Variants in VSTM5 observed in about 807,000 individuals in gnomAD.
VSTM5 encodes the protein V-set and transmembrane domain containing 5.
In VSTM5, 21 loss-of-function variants were observed where a neutral mutation model predicts 20.3. That is an observed-to-expected ratio of 1.03 (90% confidence interval 0.73 to 1.49). The LOEUF is 1.49. VSTM5 is among the 40% of genes most tolerant of loss of function. VSTM5 has a pLI of 0.00. For missense variants in VSTM5, 219 were observed against 250.0 expected, an observed-to-expected ratio of 0.88 and a Z score of 0.84; for synonymous variants, 100 against 102.5, an observed-to-expected ratio of 0.98 and a Z score of 0.14.
chr11:93,848,028 C>G (rs900299227), intron 1 of VSTM5, among the ~76,000 whole-genome samples: 1 of 152,172 alleles, frequency 6.6e-6, no homozygotes, highest in Non-Finnish European at 1.5e-5. Context: ...TCATCTAAAC[C>G]AAATCACCTC....
intron 1 of VSTM5, among the ~76,000 whole-genome samples, chr11:93,836,925 G>A (rs979449458): frequency 6.6e-6 from 1 of 151,530 alleles, no homozygotes; most frequent in African/African-American, 2.4e-5. Context: ...GCTGAGCACA[G>A]GATCAGAACT....
chr11:93,828,583 T>A (rs568795807), intron 1 of VSTM5, among the ~76,000 whole-genome samples: 44 of 152,342 alleles, frequency 2.9e-4, no homozygotes, highest in African/African-American at 1.0e-3. Flanking sequence ...TATAAACTAA[T>A]GATAGGACAG....
At chr11:93,833,794 A>G (rs1305197431) in intron 1 of VSTM5, among the ~76,000 whole-genome samples, 2 of 152,060 alleles carry the variant, frequency 1.3e-5, no homozygotes, top group East Asian at 3.9e-4. Flanking sequence ...AAGTTACAGC[A>G]TCATCCTGTG....
At chr11:93,847,693 C>A (rs1944425267) in intron 1 of VSTM5, among the ~76,000 whole-genome samples, 1 of 152,216 alleles carries the variant, frequency 6.6e-6, no homozygotes, top group Non-Finnish European at 1.5e-5. Context: ...TGGGAAAGGA[C>A]ATGAACAAAT....
At chr11:93,821,777 G>C (rs1240355139) in intron 1 of VSTM5, 1 of 162,166 alleles carries the variant, frequency 6.2e-6, no homozygotes, top group East Asian at 1.8e-4. Flanking sequence ...GAAAACAGAG[G>C]TCAAATTCCA....
chr11:93,849,409 G>C (rs1423280563), intron 1 of VSTM5, among the ~76,000 whole-genome samples: 3 of 152,102 alleles, frequency 2.0e-5, no homozygotes, highest in Non-Finnish European at 2.9e-5. Context: ...CGCTGGCCTC[G>C]GCCTCCCAAA....
intron 1 of VSTM5, among the ~76,000 whole-genome samples, chr11:93,848,722 G>A (rs732358): frequency 0.55 from 83,144 of 152,046 alleles, 24,012 homozygotes; most frequent in East Asian, 0.72. Flanking sequence ...TCCTGAGAAC[G>A]AAACAGTGAA....
chr11:93,821,796 C>G (rs1224042754), intron 1 of VSTM5: 1 of 161,078 alleles, frequency 6.2e-6, no homozygotes, highest in Admixed American at 5.8e-5. Context: ...CAGGCCAGAC[C>G]TTGGAGGGTG....
chr11:93,850,339 AC>A lies in VSTM5; in HGVS notation c.91+72del, dbSNP rs1221772391. ...CGAGGGCCAGGGGGGCCGCTGCTAG[AC>A]CCCGGGGCCCCGCCCGTGCCCCCCT... On this transcript the variant is annotated intron_variant, in intron 1 of 3. Transcript: ENST00000409977. 3.7e-5 allele frequency: 50 copies of A among 1,350,156 alleles called. 1 individual carries two copies. In the African/African-American group the frequency reaches 6.3e-4, roughly 17 times the overall value. 83.6% of individuals were successfully genotyped at this position (1,350,156 alleles called of 1,614,324 possible). A position where few individuals can be genotyped will look rare whatever the true frequency, so the allele number is the denominator to read the frequency against.
At chr11:93,843,621 C>G (rs936462620) in intron 1 of VSTM5, among the ~76,000 whole-genome samples, 4 of 152,106 alleles carry the variant, frequency 2.6e-5, no homozygotes, top group Non-Finnish European at 4.4e-5. Context: ...TCATGAAGTG[C>G]TTGGTAAGCA....
At chr11:93,828,771 T>C (rs1424064463) in intron 1 of VSTM5, among the ~76,000 whole-genome samples, 1 of 152,238 alleles carries the variant, frequency 6.6e-6, no homozygotes, top group Non-Finnish European at 1.5e-5. Context: ...TTATCAAGCC[T>C]TTAGTTAAGC....
At chr11:93,831,166 C>A (rs948009236) in intron 1 of VSTM5, among the ~76,000 whole-genome samples, 6 of 151,920 alleles carry the variant, frequency 3.9e-5, no homozygotes, top group African/African-American at 1.5e-4. Context: ...TTCAAGCAAT[C>A]CTCCCACCTC....
Position 93,818,951 on chromosome 11 carries a change from C to G in VSTM5, c.*1618G>C, listed in dbSNP as rs577015735. 19 of 152,310 alleles carry G rather than the reference C, an allele frequency of 1.2e-4. No homozygotes were observed. The highest frequency in any genetic ancestry group is 4.3e-4 in the African/African-American group (18 of 41,548). 9.4% of individuals were successfully genotyped at this position (152,310 alleles called of 1,614,324 possible). On this transcript the variant is annotated 3_prime_UTR_variant, in exon 4 of 4. Transcript: ENST00000409977. ...CTGTCAGGTGCTAGAGCTACACATC[C>G]GTTGTGTAGACCAACTGCTGTCGCC...
At chr11:93,844,933 G>C (rs1384640366) in intron 1 of VSTM5, among the ~76,000 whole-genome samples, 1 of 72,698 alleles carries the variant, frequency 1.4e-5, no homozygotes, top group Non-Finnish European at 3.0e-5. Flanking sequence ...AAGCAGCCTT[G>C]TCTTCTGCCC....
intron 1 of VSTM5, among the ~76,000 whole-genome samples, chr11:93,849,666 T>G (rs1944441947): frequency 6.6e-6 from 1 of 152,200 alleles, no homozygotes; most frequent in Non-Finnish European, 1.5e-5. Flanking sequence ...TTGGCCCATG[T>G]GTAAGATGGG....
chr11:93,824,649 CTGTACAGAAGGTTTT>C (rs1944218230), intron 1 of VSTM5, among the ~76,000 whole-genome samples: 1 of 152,098 alleles, frequency 6.6e-6, no homozygotes, highest in Non-Finnish European at 1.5e-5. Context: ...GTTTCCTTTG[CTGTACAGAAGGTTTT>C]TAGTTTGATG....
At chr11:93,836,999 G>GA (rs572918814) in intron 1 of VSTM5, among the ~76,000 whole-genome samples, 4,410 of 106,584 alleles carry the variant, frequency 0.041, 238 homozygotes, top group African/African-American at 0.14. Flanking sequence ...CTTTTTGCCT[G>GA]AAAAAAAAAA....
In VSTM5 at chr11:93,820,565, T is replaced by C. The variant is rs1467509999; in HGVS notation, c.*4A>G. 2 of 1,551,918 alleles carry C rather than the reference T, an allele frequency of 1.3e-6. No individual in the cohort carries two copies. Among genetic ancestry groups the C allele is most frequent in the East Asian group, 2.4e-5 (1 of 40,926 alleles). On this transcript the variant is annotated 3_prime_UTR_variant, in exon 4 of 4. Transcript: ENST00000409977. ...GGTAGGAATGCAGTCAGGCCCAGCC[T>C]TGGCTAACACTCAACATCTTCCAGC...
intron 1 of VSTM5, among the ~76,000 whole-genome samples, chr11:93,834,360 T>A (rs1944305692): frequency 6.6e-6 from 1 of 152,186 alleles, no homozygotes; most frequent in African/African-American, 2.4e-5. Flanking sequence ...TGGTGGTAGC[T>A]CTGGCCCACC....
Sources: gnomAD v4.1 joint callset for allele counts (sites outside exome capture counted in the v4.1 genomes callset) on GRCh38, gnomAD v4.1.1 for gene constraint, MANE v1.5 for transcripts, NCBI Gene and HGNC (gene_info 2026-07-23, HGNC 2026-07-21) for gene names.